Variants in OPCML observed in about 807,000 individuals in gnomAD.
OPCML encodes the protein opioid-binding protein/cell adhesion molecule.
A neutral mutation model predicts 37.8 loss-of-function variants in OPCML; 13 were observed. The observed-to-expected ratio is 0.34, with a 90% CI of 0.22 to 0.55. The LOEUF is 0.55. OPCML is among the 20% of genes least tolerant of loss of function. The pLI is 0.91. For missense variants in OPCML, 341 were observed against 435.6 expected (o/e 0.78, Z 1.93); for synonymous variants, 176 against 168.8 (o/e 1.04, Z -0.33).
chr11:133,397,619 G>T (rs1429348552), intron 1 of OPCML, among the ~76,000 whole-genome samples: 1 of 152,214 alleles, frequency 6.6e-6, no homozygotes, highest in Admixed American at 6.5e-5. Context: ...GCCAGCTAAG[G>T]CAAATGGAAA....
In OPCML at chr11:133,306,167, C is replaced by T. The variant is rs551534570; in HGVS notation, c.61+226097G>A. 5.5e-4 allele frequency among the ~76,000 whole-genome samples: 83 copies of T among 152,238 alleles called. 1 individual carries two copies. Among genetic ancestry groups the T allele is most frequent in the Admixed American group, 5.2e-3 (80 of 15,298 alleles). Reference sequence around the variant, plus strand: ...AGTAGAAAGACCCATAGAAGAACTGCCCTTGGTCCTGAAATCATGAGTGCA... The same window carrying T: ...AGTAGAAAGACCCATAGAAGAACTGTCCTTGGTCCTGAAATCATGAGTGCA... On this transcript the variant is annotated intron_variant, in intron 1 of 7. Coordinates refer to ENST00000524381, the MANE Select transcript of OPCML (RefSeq NM_001012393.5).
intron 1 of OPCML, among the ~76,000 whole-genome samples, chr11:133,222,610 G>C (rs1939884881): frequency 6.6e-6 from 1 of 152,210 alleles, no homozygotes; most frequent in Admixed American, 6.5e-5. Flanking sequence ...AGCAGGTTGT[G>C]GGAAGTGGCC....
At chr11:133,368,941 T>C (rs541838376) in intron 1 of OPCML, among the ~76,000 whole-genome samples, 1 of 152,352 alleles carries the variant, frequency 6.6e-6, no homozygotes, top group Non-Finnish European at 1.5e-5. Context: ...AACATAGCTA[T>C]ACAATTAAAT....
intron 2 of OPCML, among the ~76,000 whole-genome samples, chr11:132,940,837 A>C (rs1173711831): frequency 6.6e-6 from 1 of 152,218 alleles, no homozygotes; most frequent in Middle Eastern, 3.2e-3. Context: ...AATAGACGAA[A>C]GTATACATTA....
intron 1 of OPCML, among the ~76,000 whole-genome samples, chr11:133,319,432 C>T (rs1389526398): frequency 1.3e-5 from 2 of 152,118 alleles, no homozygotes; most frequent in South Asian, 2.1e-4. Flanking sequence ...CCGACAGGCT[C>T]AAATTCTTTG....
At chr11:132,963,590 CAA>C (rs956752290) in intron 1 of OPCML, among the ~76,000 whole-genome samples, 57 of 97,966 alleles carry the variant, frequency 5.8e-4, no homozygotes, top group African/African-American at 1.4e-3. Context: ...GACTGGGTCT[CAA>C]AAAAAAAAAA....
At chr11:133,307,072 T>C (rs1942939861) in intron 1 of OPCML, among the ~76,000 whole-genome samples, 1 of 152,202 alleles carries the variant, frequency 6.6e-6, no homozygotes, top group Non-Finnish European at 1.5e-5. Context: ...TGGTCACCTC[T>C]GCTCTCCTCT....
intron 3 of OPCML, among the ~76,000 whole-genome samples, chr11:132,552,429 G>C (rs1053294391): frequency 6.6e-6 from 1 of 152,110 alleles, no homozygotes; most frequent in Non-Finnish European, 1.5e-5. Flanking sequence ...TTATCTGTAG[G>C]TTGGTACTGA....
chr11:132,910,984 C>T (rs920204579), intron 2 of OPCML, among the ~76,000 whole-genome samples: 7 of 152,190 alleles, frequency 4.6e-5, no homozygotes, highest in Non-Finnish European at 1.0e-4. Flanking sequence ...TCATTTAGCA[C>T]AAATCTCTAA....
At chr11:132,708,543 A>G (rs1406616621) in intron 2 of OPCML, among the ~76,000 whole-genome samples, 1 of 152,230 alleles carries the variant, frequency 6.6e-6, no homozygotes, top group African/African-American at 2.4e-5. Flanking sequence ...TATATTAACA[A>G]AAGAACTGAA....
intron 1 of OPCML, among the ~76,000 whole-genome samples, chr11:133,113,142 C>T (rs985629): frequency 1.3e-5 from 2 of 152,026 alleles, no homozygotes; most frequent in Non-Finnish European, 2.9e-5. Context: ...TGCAAAAAAG[C>T]CATCCTTTAT....
chr11:133,244,460 C>A (rs1005946408), intron 1 of OPCML, among the ~76,000 whole-genome samples: 4 of 152,004 alleles, frequency 2.6e-5, no homozygotes, highest in Admixed American at 2.6e-4. Flanking sequence ...AGTGTGTTCC[C>A]GAACACACGG....
chr11:132,509,844 G>T (rs2096265120), intron 4 of OPCML, among the ~76,000 whole-genome samples: 1 of 152,224 alleles, frequency 6.6e-6, no homozygotes, highest in Non-Finnish European at 1.5e-5. Flanking sequence ...TGGGGTGGGA[G>T]CTCCCACCTA....
intron 1 of OPCML, among the ~76,000 whole-genome samples, chr11:132,993,087 A>G (rs1251415112): frequency 6.6e-6 from 1 of 151,890 alleles, no homozygotes; most frequent in Admixed American, 6.6e-5. Context: ...CCTGCTTCCC[A>G]CCCTCCTTCC....
Position 132,415,740 on chromosome 11 carries a change from C to A in OPCML, c.*4453G>T, listed in dbSNP as rs1034410926. ...CACATTTCTTTGGACTCTAAGTATT[C>A]TGCACCTGAAGGCTAAATTGAACTG... is the stretch of plus-strand genomic sequence containing the variant. On this transcript the variant is annotated 3_prime_UTR_variant, in exon 8 of 8. Transcript: ENST00000524381. The A allele has an allele frequency of 1.3e-5, 2 of 152,658 alleles. No homozygotes were observed. The highest frequency in any genetic ancestry group is 4.1e-4 in the South Asian group (2 of 4,828). The allele number at this position is 152,658 out of a possible 1,614,324, so 9.5% of individuals were successfully genotyped here.
At chr11:133,418,198 G>T in intron 1 of OPCML, 1 of 985,370 alleles carries the variant, frequency 1.0e-6, no homozygotes, top group Non-Finnish European at 1.2e-6. Context: ...GGGTCTTCGG[G>T]TTTCCACCTG....
rs542397862 is a variant in OPCML, at chr11:133,146,606, C to T, written c.62-203596G>A. Among the ~76,000 whole-genome samples, 4 of 152,202 alleles carry T rather than the reference C, an allele frequency of 2.6e-5. No individual in the cohort carries two copies. The South Asian group carries it at 8.3e-4, about 32-fold the overall frequency. On this transcript the variant is annotated intron_variant, in intron 1 of 7. Transcript: ENST00000524381. ...GGGATTACAGGCATGAGCCAACGTG[C>T]CTGGCCATGCTAGGCTAATTTTTCT...
At chr11:132,503,604 A>AACTT (rs1001093103) in intron 4 of OPCML, among the ~76,000 whole-genome samples, 1 of 152,334 alleles carries the variant, frequency 6.6e-6, no homozygotes, top group East Asian at 1.9e-4. Flanking sequence ...AGTTTAATAA[A>AACTT]ACTTAAACAT....
chr11:132,799,933 A>G (rs1222513384), intron 2 of OPCML, among the ~76,000 whole-genome samples: 2 of 152,184 alleles, frequency 1.3e-5, no homozygotes, highest in Admixed American at 6.5e-5. Context: ...CTGTGTGAAC[A>G]TTATTATCAG....
Sources: allele counts gnomAD v4.1 joint callset (sites outside exome capture counted in the v4.1 genomes callset), GRCh38; gene constraint gnomAD v4.1.1; transcripts MANE v1.5; gene names NCBI Gene and HGNC (gene_info 2026-07-23, HGNC 2026-07-21).